Variants in LY96 observed in about 807,000 individuals in gnomAD.
LY96 encodes lymphocyte antigen 96, also known as myeloid differentiation protein-2.
LY96 carries 18 observed loss-of-function variants against 18.9 expected under a neutral mutation model. The ratio of observed to expected loss-of-function variants is 0.95; its 90% CI spans 0.66 to 1.41. The LOEUF (loss-of-function observed/expected upper bound fraction) is 1.41. Among genes scored for constraint, LY96 ranks in the 40% most tolerant of loss-of-function variants. The probability of loss-of-function intolerance (pLI) is 0.00; values close to 1 mark genes in which losing one functional copy is unlikely to be tolerated. For synonymous variants in LY96, 66 were observed against 62.6 expected (o/e 1.06, Z -0.26); for missense variants, 175 against 182.4 (o/e 0.96, Z 0.23).
the LY96 span, among the ~76,000 whole-genome samples, chr8:74,057,481 T>G: frequency 6.6e-6 from 1 of 152,204 alleles, no homozygotes; most frequent in African/African-American, 2.4e-5. Context: ...TAAATTTGAT[T>G]CTTTTCTCAC....
downstream of LY96, chr8:74,029,115 G>A (rs73337540): frequency 2.0e-6 from 2 of 985,032 alleles, no homozygotes; most frequent in Non-Finnish European, 3.2e-6. Flanking sequence ...GGGTACCCAG[G>A]ATTTGTTTTA....
chr8:74,083,689 A>T, the LY96 span, among the ~76,000 whole-genome samples: 1 of 151,828 alleles, frequency 6.6e-6, no homozygotes, highest in Admixed American at 6.6e-5. Context: ...TACCACTTAA[A>T]TCTTTTCTTT....
At chr8:74,090,936 C>A in the LY96 span, among the ~76,000 whole-genome samples, 1 of 152,120 alleles carries the variant, frequency 6.6e-6, no homozygotes, top group Non-Finnish European at 1.5e-5. Flanking sequence ...CTGCAGATGC[C>A]CTCAATGCCT....
At chr8:73,994,710 CT>C (rs748681352) in intron 1 of LY96, among the ~76,000 whole-genome samples, 4 of 152,150 alleles carry the variant, frequency 2.6e-5, no homozygotes, top group Non-Finnish European at 5.9e-5. Flanking sequence ...TGGTTTTGAA[CT>C]CCTGGTCTCA....
At chr8:74,043,412 G>T in the LY96 span, among the ~76,000 whole-genome samples, 1 of 152,184 alleles carries the variant, frequency 6.6e-6, no homozygotes, top group African/African-American at 2.4e-5. Flanking sequence ...GAGGTAAGAT[G>T]CGAGCTTAGA....
At chr8:74,023,513 T>C (rs1039624483) in intron 3 of LY96, among the ~76,000 whole-genome samples, 2 of 152,148 alleles carry the variant, frequency 1.3e-5, no homozygotes, top group Admixed American at 1.3e-4. Flanking sequence ...TCTGGCAGTT[T>C]GTGGAAGGAG....
intron 3 of LY96, among the ~76,000 whole-genome samples, chr8:74,021,630 A>T (rs1278014431): frequency 6.6e-6 from 1 of 152,254 alleles, no homozygotes; most frequent in Non-Finnish European, 1.5e-5. Flanking sequence ...ACGTATGTTT[A>T]TTGCAGCACT....
At chr8:73,996,395 TTCTTTC>T (rs1816142901) in intron 1 of LY96, among the ~76,000 whole-genome samples, 1 of 45,444 alleles carries the variant, frequency 2.2e-5, no homozygotes, top group African/African-American at 1.0e-4. Flanking sequence ...CTTTCTTTCT[TTCTTTC>T]TTTCTTTCTT....
chr8:74,051,853 C>A, the LY96 span, among the ~76,000 whole-genome samples: 1 of 152,120 alleles, frequency 6.6e-6, no homozygotes, highest in Non-Finnish European at 1.5e-5. Flanking sequence ...TTGCTTGAGC[C>A]GCCCAGTCTA....
intron 1 of LY96, among the ~76,000 whole-genome samples, chr8:74,002,111 C>T (rs1408089729): frequency 3.1e-5 from 4 of 129,668 alleles, no homozygotes; most frequent in Non-Finnish European, 4.8e-5. Context: ...CTCTCTCTCT[C>T]TCTCTCTCTC....
At chr8:74,028,925 T>C (rs754827085) in intron 4 of LY96, 31 bp from the exon 5 acceptor site, 32 of 1,309,344 alleles carry the variant, frequency 2.4e-5, no homozygotes, top group African/African-American at 2.2e-4. Flanking sequence ...TAACATTTTG[T>C]ATTACTTGTA....
intron 1 of LY96, 148 bp from the exon 2 acceptor site, chr8:74,004,648 C>A: frequency 1.3e-6 from 1 of 750,004 alleles, no homozygotes; most frequent in Non-Finnish European, 2.1e-6. Flanking sequence ...TGATGTCATT[C>A]TTCTGGGGAG....
chr8:74,033,662 G>A (rs950998806), downstream of LY96, among the ~76,000 whole-genome samples: 1 of 152,208 alleles, frequency 6.6e-6, no homozygotes, highest in Middle Eastern at 3.2e-3. Context: ...GTGAACAAAG[G>A]ACATCTTGTT....
At chr8:74,078,481 A>G in the LY96 span, among the ~76,000 whole-genome samples, 8 of 152,222 alleles carry the variant, frequency 5.3e-5, no homozygotes, top group African/African-American at 1.9e-4. Context: ...TAGATTTTCT[A>G]GGATTCACAG....
the LY96 span, among the ~76,000 whole-genome samples, chr8:74,072,737 A>G: frequency 6.6e-6 from 1 of 152,250 alleles, no homozygotes; most frequent in East Asian, 1.9e-4. Flanking sequence ...GCCTTTGACA[A>G]AGTTGGGGTA....
the LY96 span, among the ~76,000 whole-genome samples, chr8:74,048,088 C>CTATG: frequency 2.6e-5 from 4 of 152,050 alleles, no homozygotes; most frequent in Non-Finnish European, 5.9e-5. Context: ...GAGGGTCTGC[C>CTATG]TATGTTGCTC....
the LY96 span, among the ~76,000 whole-genome samples, chr8:74,067,178 A>C: frequency 6.6e-6 from 1 of 152,212 alleles, no homozygotes; most frequent in Non-Finnish European, 1.5e-5. Flanking sequence ...TGTGCATGAC[A>C]GCCCTCCCTT....
chr8:74,082,598 T>A, the LY96 span, among the ~76,000 whole-genome samples: 32 of 152,326 alleles, frequency 2.1e-4, no homozygotes, highest in African/African-American at 7.7e-4. Context: ...CATCGTAGGT[T>A]CATAGCTGAG....
the LY96 span, among the ~76,000 whole-genome samples, chr8:74,050,329 C>T: frequency 3.3e-5 from 5 of 151,452 alleles, no homozygotes; most frequent in African/African-American, 4.9e-5. Context: ...GGTAACAGAG[C>T]GAGACTCTAT....
Sources: gnomAD v4.1 joint callset for allele counts (sites outside exome capture counted in the v4.1 genomes callset) on GRCh38, gnomAD v4.1.1 for gene constraint, MANE v1.5 for transcripts, NCBI Gene and HGNC (gene_info 2026-07-23, HGNC 2026-07-21) for gene names.